Variants in ZSWIM5 observed in about 807,000 individuals in gnomAD.
ZSWIM5 encodes zinc finger SWIM-type containing 5, also known as zinc finger SWIM domain-containing protein 5.
Under a neutral mutation model 119.6 loss-of-function variants are expected in ZSWIM5, and 55 were observed. The ratio of observed to expected loss-of-function variants is 0.46; its 90% CI spans 0.37 to 0.58. ZSWIM5 has a LOEUF of 0.58. Ranked by LOEUF, ZSWIM5 falls within the 20% of genes least tolerant of loss-of-function variation. The pLI is 0.00. For missense variants in ZSWIM5, 1,193 were observed against 1,512.8 expected (o/e 0.79, Z 3.51); for synonymous variants, 537 against 606.9 (o/e 0.88, Z 1.69).
intron 1 of ZSWIM5, among the ~76,000 whole-genome samples, chr1:45,124,984 C>T (rs1160093992): frequency 6.6e-6 from 1 of 152,104 alleles, no homozygotes; most frequent in African/African-American, 2.4e-5. Flanking sequence ...GACAAATCCA[C>T]AATACAGTTA....
At chr1:45,155,138 C>T (rs12057422) in intron 1 of ZSWIM5, among the ~76,000 whole-genome samples, 6 of 151,822 alleles carry the variant, frequency 4.0e-5, no homozygotes, top group Admixed American at 1.3e-4. Context: ...TCTATACATC[C>T]GACAAAGGAC....
intron 2 of ZSWIM5, among the ~76,000 whole-genome samples, chr1:45,085,756 A>G (rs1645323603): frequency 6.6e-6 from 1 of 152,076 alleles, no homozygotes; most frequent in South Asian, 2.1e-4. Context: ...CTCAGCCTGG[A>G]CTTCATTGTC....
chr1:45,040,043 G>A (rs893599288), intron 7 of ZSWIM5, among the ~76,000 whole-genome samples: 1 of 151,906 alleles, frequency 6.6e-6, no homozygotes, highest in East Asian at 1.9e-4. Flanking sequence ...TCACCATGTT[G>A]CCCAGGCTGG....
intron 1 of ZSWIM5, among the ~76,000 whole-genome samples, chr1:45,153,614 A>AT (rs1270811178): frequency 2.6e-5 from 4 of 152,154 alleles, no homozygotes; most frequent in Non-Finnish European, 5.9e-5. Flanking sequence ...ACATGCACTC[A>AT]TATGTTTACT....
At chr1:45,035,906 G>A in intron 9 of ZSWIM5, 83 bp from the exon 10 acceptor site, 1 of 1,584,158 alleles carries the variant, frequency 6.3e-7, no homozygotes, top group Non-Finnish European at 8.6e-7. Flanking sequence ...TCTCATGCAT[G>A]TTTGCTAATC....
At chr1:45,051,303 T>C in intron 4 of ZSWIM5, 50 bp from the exon 5 acceptor site, 4 of 1,497,558 alleles carry the variant, frequency 2.7e-6, no homozygotes, top group South Asian at 2.6e-5. Context: ...TTGATGTGTG[T>C]GTAAGCCTTA....
chr1:45,114,285 G>A (rs896519199), intron 1 of ZSWIM5, among the ~76,000 whole-genome samples: 1 of 152,032 alleles, frequency 6.6e-6, no homozygotes, highest in African/African-American at 2.4e-5. Flanking sequence ...GGTACAAAGT[G>A]GGCTTATGTC....
At chr1:45,121,010 C>T (rs905857037) in intron 1 of ZSWIM5, among the ~76,000 whole-genome samples, 8 of 151,678 alleles carry the variant, frequency 5.3e-5, no homozygotes, top group Admixed American at 1.3e-4. Flanking sequence ...AGTGTGGTGG[C>T]GCGATCTCGG....
intron 1 of ZSWIM5, among the ~76,000 whole-genome samples, chr1:45,125,999 T>TTGA (rs1645618877): frequency 6.6e-6 from 1 of 151,826 alleles, no homozygotes; most frequent in African/African-American, 2.4e-5. Flanking sequence ...ACCCAGGAGC[T>TTGA]TGAGGTTACA....
chr1:45,205,190 T>C (rs938403096), intron 1 of ZSWIM5, among the ~76,000 whole-genome samples: 1 of 151,836 alleles, frequency 6.6e-6, no homozygotes, highest in African/African-American at 2.4e-5. Context: ...TCTTCGGTTA[T>C]TGTTAGTCCG....
intron 1 of ZSWIM5, among the ~76,000 whole-genome samples, chr1:45,197,181 T>C (rs1377655318): frequency 2.0e-5 from 3 of 152,180 alleles, no homozygotes; most frequent in Admixed American, 2.0e-4. Context: ...AAAAGCCAAA[T>C]CCCTTGTTCT....
intron 1 of ZSWIM5, among the ~76,000 whole-genome samples, chr1:45,180,073 T>C (rs1258071656): frequency 3.3e-5 from 5 of 152,232 alleles, no homozygotes; most frequent in South Asian, 2.1e-4. Flanking sequence ...GAGTGCCAGA[T>C]AGTGGGCACA....
chr1:45,134,939 C>T (rs1226029483), intron 1 of ZSWIM5, among the ~76,000 whole-genome samples: 2 of 152,218 alleles, frequency 1.3e-5, no homozygotes, highest in Admixed American at 6.5e-5. Context: ...CTGCATTACA[C>T]ATCATTGTAT....
intron 1 of ZSWIM5, among the ~76,000 whole-genome samples, chr1:45,172,202 A>G (rs1014246220): frequency 6.6e-6 from 1 of 152,100 alleles, no homozygotes; most frequent in African/African-American, 2.4e-5. Flanking sequence ...CTAAACAAAC[A>G]TGATTCTGGT....
chr1:45,143,008 CAA>C (rs754052253), intron 1 of ZSWIM5, among the ~76,000 whole-genome samples: 14 of 114,288 alleles, frequency 1.2e-4, no homozygotes, highest in Admixed American at 4.5e-4. Flanking sequence ...CTGTCTCTAC[CAA>C]AAAAAAAAAA....
intron 2 of ZSWIM5, among the ~76,000 whole-genome samples, chr1:45,067,480 T>G (rs776808850): frequency 6.6e-6 from 1 of 151,240 alleles, no homozygotes; most frequent in Non-Finnish European, 1.5e-5. Flanking sequence ...AGAAATACAT[T>G]TGTGTGTCTT....
intron 1 of ZSWIM5, among the ~76,000 whole-genome samples, chr1:45,121,599 C>CTTTTTTTTTTTTTTTTTTTTTT (rs1181121841): frequency 6.9e-6 from 1 of 145,488 alleles, no homozygotes; most frequent in African/African-American, 2.6e-5. Context: ...TTTTTTTCTT[C>CTTTTTTTTTTTTTTTTTTTTTT]TTCTTTTTTT....
At chr1:45,125,712 G>A (rs544229436) in intron 1 of ZSWIM5, among the ~76,000 whole-genome samples, 2 of 148,550 alleles carry the variant, frequency 1.3e-5, no homozygotes, top group South Asian at 2.1e-4. Context: ...AGGCGGAGCC[G>A]AGATTGCGTC....
rs181182756 is a variant in ZSWIM5 at position 45,097,644 on chromosome 1, G to A, written c.596-9407C>T. On this transcript the variant is annotated intron_variant, in intron 1 of 13. Coordinates refer to ENST00000359600, the MANE Select transcript of ZSWIM5 (RefSeq NM_020883.2). The stretch of plus-strand genomic sequence containing the variant: ...TCATAATTTCACATTCTGAAACAAT[G>A]TTGGGCTTTAAAAACTAGGAAAAAT... Among the ~76,000 whole-genome samples, 266 of 152,278 alleles carry A rather than the reference G, an allele frequency of 1.7e-3. 4 individuals are homozygous for A. The highest frequency in any genetic ancestry group is 6.8e-3 in the Middle Eastern group (2 of 294).
Sources: gnomAD v4.1 joint callset for allele counts (sites outside exome capture counted in the v4.1 genomes callset) on GRCh38, gnomAD v4.1.1 for gene constraint, MANE v1.5 for transcripts, NCBI Gene and HGNC (gene_info 2026-07-23, HGNC 2026-07-21) for gene names.